The following ALK variants were observed in gnomAD, a reference collection of about 807,000 sequenced individuals.
ALK encodes the protein ALK tyrosine kinase receptor.
ALK carries 74 observed loss-of-function variants against 163.1 expected under a neutral mutation model. The observed-to-expected ratio is 0.45, with a 90% CI of 0.38 to 0.55. ALK has a LOEUF of 0.55. Ranked by LOEUF, ALK falls within the 20% of genes least tolerant of loss-of-function variation. The pLI, the probability that ALK is intolerant of heterozygous loss-of-function variation, is 0.00. For missense variants in ALK, 2,063 were observed against 2,105.3 expected (o/e 0.98, Z 0.39); for synonymous variants, 960 against 843.2 (o/e 1.14, Z -2.40).
chr2:29,561,876 C>G (rs1255532809), intron 3 of ALK, among the ~76,000 whole-genome samples: 1 of 152,000 alleles, frequency 6.6e-6, no homozygotes, highest in Non-Finnish European at 1.5e-5. Flanking sequence ...TCAGTCCCAC[C>G]CCTAGATATA....
At chr2:29,309,042 G>A (rs1666624363) in intron 8 of ALK, among the ~76,000 whole-genome samples, 1 of 152,140 alleles carries the variant, frequency 6.6e-6, no homozygotes, top group South Asian at 2.1e-4. Flanking sequence ...CTGTGTCTCA[G>A]TTTCTCTGTG....
intron 1 of ALK, among the ~76,000 whole-genome samples, chr2:29,735,629 C>T (rs773289090): frequency 1.1e-4 from 16 of 152,014 alleles, no homozygotes; most frequent in African/African-American, 3.6e-4. Flanking sequence ...AATCTCCACA[C>T]GTCATGGGAG....
At position 29,504,932 on chromosome 2, in the gene ALK, G is replaced by C. The variant is rs576051725; in HGVS notation, c.1154+26983C>G. Reference sequence around the variant, plus strand: ...CTGGGTAGAGAGGGGGAGGCAAGGAGCCTGGAGGCATGGGGTGAGTCCAGG... The same window carrying C: ...CTGGGTAGAGAGGGGGAGGCAAGGACCCTGGAGGCATGGGGTGAGTCCAGG... On this transcript the variant is annotated intron_variant, in intron 4 of 28. Transcript: ENST00000389048. Among the ~76,000 whole-genome samples, 15 of 152,314 alleles carry C rather than the reference G, an allele frequency of 9.8e-5. No individual in the cohort carries two copies. The East Asian group carries it at 2.9e-3, about 29-fold the overall frequency.
intron 5 of ALK, among the ~76,000 whole-genome samples, chr2:29,337,715 C>A (rs1389687278): frequency 6.6e-6 from 1 of 152,138 alleles, no homozygotes; most frequent in Non-Finnish European, 1.5e-5. Flanking sequence ...ACCTCCAGCA[C>A]TTCTCACCAC....
rs1573078266 is a variant in ALK, at chr2:29,193,554, A to G, written c.4533T>C (p.Phe1511=). Residue 1511 remains phenylalanine, a synonymous_variant, in exon 29 of 29, where the codon TTT becomes TTC. Transcript: ENST00000389048. ...TATTCTTTTTGGTGGGTTTCTCTGTAAACCAGGAGCCGTACGTTGGGTTCC... is the reference window on the plus strand; with the variant it reads ...TATTCTTTTTGGTGGGTTTCTCTGTGAACCAGGAGCCGTACGTTGGGTTCC... ...SLWNPTYGSW[F]TEKPTKKNNP... is the part of the protein sequence containing the mutation. The G allele has an allele frequency of 1.9e-6, 3 of 1,614,202 alleles. No individual in the cohort carries two copies. Among genetic ancestry groups the G allele is most frequent in the Non-Finnish European group, 2.5e-6 (3 of 1,180,036 alleles).
chr2:29,782,656 T>C (rs527646895), intron 1 of ALK, among the ~76,000 whole-genome samples: 1 of 152,290 alleles, frequency 6.6e-6, no homozygotes, highest in South Asian at 2.1e-4. Flanking sequence ...AGGAGGCAGA[T>C]TGAAAGCCAG....
chr2:29,194,073 T>A, intron 28 of ALK, 151 bp from the exon 29 acceptor site: 1 of 766,666 alleles, frequency 1.3e-6, no homozygotes. Context: ...CACTGGGGCA[T>A]ACAAAATGAA....
intron 4 of ALK, among the ~76,000 whole-genome samples, chr2:29,390,050 G>C (rs1332702458): frequency 3.3e-5 from 5 of 152,162 alleles, no homozygotes; most frequent in Admixed American, 1.3e-4. Flanking sequence ...CTTATTAAAG[G>C]TCTACTATAT....
chr2:29,753,322 C>T (rs13390356), intron 1 of ALK, among the ~76,000 whole-genome samples: 8,369 of 152,216 alleles, frequency 0.055, 758 homozygotes, highest in African/African-American at 0.19. Flanking sequence ...ATTTCTCTGC[C>T]GGAGGCTCCG....
intron 11 of ALK, among the ~76,000 whole-genome samples, chr2:29,272,185 G>GGAGAGAGAGA (rs57649688): frequency 4.4e-4 from 64 of 145,234 alleles, no homozygotes; most frequent in African/African-American, 1.5e-3. Flanking sequence ...GTCGGGTGAG[G>GGAGAGAGAGA]GAGAGAGAGA....
chr2:29,827,331 A>G (rs1212385336), intron 1 of ALK, among the ~76,000 whole-genome samples: 1 of 152,218 alleles, frequency 6.6e-6, no homozygotes, highest in African/African-American at 2.4e-5. Flanking sequence ...TGTCTAATGC[A>G]AAACCCAATT....
At chr2:29,503,152 T>A (rs1672229082) in intron 4 of ALK, among the ~76,000 whole-genome samples, 1 of 152,236 alleles carries the variant, frequency 6.6e-6, no homozygotes, top group African/African-American at 2.4e-5. Context: ...GTTTTCAAAC[T>A]ATTTTGGTAT....
At chr2:29,571,905 C>T (rs2148190911) in intron 3 of ALK, among the ~76,000 whole-genome samples, 1 of 152,234 alleles carries the variant, frequency 6.6e-6, no homozygotes, top group East Asian at 1.9e-4. Flanking sequence ...TGAACTAGAG[C>T]ACCCCACTGG....
At chr2:29,851,736 A>G (rs1056760043) in intron 1 of ALK, among the ~76,000 whole-genome samples, 8 of 152,228 alleles carry the variant, frequency 5.3e-5, no homozygotes, top group Admixed American at 4.6e-4. Flanking sequence ...ACACACTTCC[A>G]TGAGAACAGG....
At chr2:29,745,966 C>G (rs1175034499) in intron 1 of ALK, among the ~76,000 whole-genome samples, 1 of 152,196 alleles carries the variant, frequency 6.6e-6, no homozygotes, top group Non-Finnish European at 1.5e-5. Flanking sequence ...ATGGAAAAAT[C>G]AGGTATAATA....
chr2:29,740,785 C>G (rs1487795180), intron 1 of ALK, among the ~76,000 whole-genome samples: 1 of 152,046 alleles, frequency 6.6e-6, no homozygotes, highest in East Asian at 1.9e-4. Flanking sequence ...GCGGATCACT[C>G]AAGGCCAGGA....
intron 2 of ALK, among the ~76,000 whole-genome samples, chr2:29,705,455 T>A (rs1030394746): frequency 4.0e-5 from 6 of 151,468 alleles, no homozygotes; most frequent in South Asian, 2.1e-4. Flanking sequence ...GGGGATGAAC[T>A]GACCTGACTT....
chr2:29,204,000 C>CTATATTTTCCATCTCTT (rs1292717878), intron 26 of ALK, among the ~76,000 whole-genome samples: 1 of 151,868 alleles, frequency 6.6e-6, no homozygotes, highest in Non-Finnish European at 1.5e-5. Flanking sequence ...TTATATTTTC[C>CTATATTTTCCATCTCTT]TATATTTTCC....
intron 4 of ALK, among the ~76,000 whole-genome samples, chr2:29,525,063 C>T (rs777205031): frequency 3.3e-5 from 5 of 152,170 alleles, no homozygotes; most frequent in Non-Finnish European, 7.3e-5. Flanking sequence ...TTCTCATTCC[C>T]CTGTGGCTTT....
Sources: allele counts gnomAD v4.1 joint callset (sites outside exome capture counted in the v4.1 genomes callset), GRCh38; gene constraint gnomAD v4.1.1; transcripts MANE v1.5; gene names NCBI Gene and HGNC (gene_info 2026-07-23, HGNC 2026-07-21).